PABPC4L: variants seen among roughly 807,000 people sequenced by gnomAD.
PABPC4L encodes poly(A) binding protein cytoplasmic 4 like, also known as polyadenylate-binding protein 4-like.
For missense variants in PABPC4L, 452 were observed against 451.4 expected, an observed-to-expected ratio of 1.00 and a Z score of -0.01; for synonymous variants, 169 against 164.1, an observed-to-expected ratio of 1.03 and a Z score of -0.23.
the PABPC4L span, among the ~76,000 whole-genome samples, chr4:133,992,696 C>G: frequency 6.6e-6 from 1 of 152,162 alleles, no homozygotes; most frequent in African/African-American, 2.4e-5. Context: ...GGGTTGCAGA[C>G]AAAATGAGAG....
At chr4:134,140,936 T>C in the PABPC4L span, among the ~76,000 whole-genome samples, 5 of 151,786 alleles carry the variant, frequency 3.3e-5, no homozygotes, top group Non-Finnish European at 7.4e-5. Context: ...TTAGGGCTCA[T>C]TCTGCTTCAG....
the PABPC4L span, among the ~76,000 whole-genome samples, chr4:134,143,897 T>C: frequency 6.6e-6 from 1 of 151,612 alleles, no homozygotes; most frequent in East Asian, 1.9e-4. Context: ...TTAATGTCTC[T>C]ACTTTTATTA....
At chr4:134,146,177 T>A in the PABPC4L span, among the ~76,000 whole-genome samples, 1 of 152,026 alleles carries the variant, frequency 6.6e-6, no homozygotes, top group African/African-American at 2.4e-5. Flanking sequence ...TGGCTTTGTG[T>A]ATCATTTATT....
chr4:134,181,801 A>G, the PABPC4L span, among the ~76,000 whole-genome samples: 1 of 152,044 alleles, frequency 6.6e-6, no homozygotes, highest in Non-Finnish European at 1.5e-5. Flanking sequence ...ATACCTAGGA[A>G]TACAGCTAAC....
chr4:133,968,981 T>C, the PABPC4L span, among the ~76,000 whole-genome samples: 1 of 152,174 alleles, frequency 6.6e-6, no homozygotes, highest in Non-Finnish European at 1.5e-5. Context: ...TGGGGTCTAA[T>C]AGGAGAAACT....
At chr4:133,982,464 T>C in the PABPC4L span, among the ~76,000 whole-genome samples, 2 of 152,034 alleles carry the variant, frequency 1.3e-5, no homozygotes, top group Non-Finnish European at 2.9e-5. Flanking sequence ...GTTGCTTACT[T>C]GAAATCTAAT....
the PABPC4L span, chr4:133,978,844 T>C: frequency 6.6e-6 from 1 of 152,212 alleles, no homozygotes; most frequent in Non-Finnish European, 1.5e-5. Flanking sequence ...TGTGATGTGA[T>C]ATCATTCTTT....
chr4:134,130,264 T>C, the PABPC4L span, among the ~76,000 whole-genome samples: 2 of 151,764 alleles, frequency 1.3e-5, no homozygotes, highest in African/African-American at 4.8e-5. Flanking sequence ...AAAAATTAAT[T>C]AAAATTGATA....
chr4:134,188,427 AT>A, the PABPC4L span, among the ~76,000 whole-genome samples: 5 of 152,116 alleles, frequency 3.3e-5, no homozygotes, highest in Admixed American at 2.0e-4. Flanking sequence ...GATGTTAATT[AT>A]TGACTTATAA....
chr4:134,093,914 T>C, the PABPC4L span, among the ~76,000 whole-genome samples: 29 of 151,648 alleles, frequency 1.9e-4, 1 homozygote, highest in Admixed American at 2.6e-4. Flanking sequence ...CATTTTACAA[T>C]ATAATGTGTA....
chr4:133,993,690 G>T, the PABPC4L span, among the ~76,000 whole-genome samples: 1 of 152,156 alleles, frequency 6.6e-6, no homozygotes, highest in Non-Finnish European at 1.5e-5. Flanking sequence ...AACTGAAAAG[G>T]TTTAGTTAAG....
the PABPC4L span, among the ~76,000 whole-genome samples, chr4:134,135,418 G>T: frequency 1.3e-5 from 2 of 151,952 alleles, no homozygotes; most frequent in Non-Finnish European, 2.9e-5. Flanking sequence ...TATCAAATCT[G>T]CATCTCACAT....
chr4:134,089,668 AT>A, the PABPC4L span, among the ~76,000 whole-genome samples: 3 of 151,488 alleles, frequency 2.0e-5, no homozygotes, highest in Admixed American at 6.6e-5. Context: ...GCACTTATAC[AT>A]TTTTTTTTCT....
chr4:134,177,838 G>T, the PABPC4L span, among the ~76,000 whole-genome samples: 2 of 152,080 alleles, frequency 1.3e-5, no homozygotes, highest in South Asian at 2.1e-4. Flanking sequence ...GCCTCCTGTT[G>T]TCCCAGGAAA....
the PABPC4L span, among the ~76,000 whole-genome samples, chr4:133,952,490 C>T: frequency 1.1e-4 from 16 of 152,088 alleles, no homozygotes; most frequent in South Asian, 1.2e-3. Flanking sequence ...GTTTCTTGAC[C>T]GGGAGAATTG....
At chr4:133,953,993 C>G in the PABPC4L span, among the ~76,000 whole-genome samples, 1 of 152,240 alleles carries the variant, frequency 6.6e-6, no homozygotes, top group South Asian at 2.1e-4. Flanking sequence ...ACAAATGCAA[C>G]TCCTACCTGT....
At chr4:134,175,518 G>A in the PABPC4L span, among the ~76,000 whole-genome samples, 2 of 151,892 alleles carry the variant, frequency 1.3e-5, no homozygotes, top group East Asian at 3.9e-4. Flanking sequence ...GCACAATCTC[G>A]GCTCACTGCA....
At chr4:134,056,591 A>G in the PABPC4L span, among the ~76,000 whole-genome samples, 1 of 151,966 alleles carries the variant, frequency 6.6e-6, no homozygotes, top group Non-Finnish European at 1.5e-5. Flanking sequence ...TTTAGGTATG[A>G]ATTAATACAT....
the PABPC4L span, among the ~76,000 whole-genome samples, chr4:133,971,406 C>T: frequency 6.6e-6 from 1 of 152,036 alleles, no homozygotes. Context: ...CCACCGCGCC[C>T]GGCCTTAAAT....
Sources: gnomAD v4.1 joint callset for allele counts (sites outside exome capture counted in the v4.1 genomes callset) on GRCh38, gnomAD v4.1.1 for gene constraint, MANE v1.5 for transcripts, NCBI Gene and HGNC (gene_info 2026-07-23, HGNC 2026-07-21) for gene names.